XRCC1: variants seen among roughly 807,000 people sequenced by gnomAD.
The protein encoded by XRCC1 is DNA repair protein XRCC1.
A neutral mutation model predicts 83.3 loss-of-function variants in XRCC1; 52 were observed. That is an observed-to-expected ratio of 0.62 (90% CI 0.50 to 0.79). The LOEUF is 0.79. Among genes scored for constraint, XRCC1 ranks in the 30% least tolerant of loss-of-function variants. The pLI is 0.00. For synonymous variants in XRCC1, 281 were observed against 312.6 expected (o/e 0.90, Z 1.07); for missense variants, 793 against 823.5 (o/e 0.96, Z 0.45).
At chr19:43,548,212 C>T (rs1224203748) in intron 10 of XRCC1, among the ~76,000 whole-genome samples, 3 of 151,976 alleles carry the variant, frequency 2.0e-5, no homozygotes, top group East Asian at 3.9e-4. Flanking sequence ...CGCCTCTGCC[C>T]GGCCGCCCCT....
intron 1 of XRCC1, 134 bp from the exon 2 acceptor site, chr19:43,575,136 C>T: frequency 1.2e-6 from 1 of 810,404 alleles, no homozygotes; most frequent in East Asian, 2.7e-5. Flanking sequence ...AATCCCCCGA[C>T]ACTCTGCCTG....
rs2146040245 is a variant in XRCC1, at chr19:43,544,133, T to C, written c.1712+11A>G. Reference sequence around the variant, plus strand: ...ATCACCCCTTCCCCACCCCAGTCCCTGGAGACTCACCCATTGAAGGCTGTG... The same window carrying C: ...ATCACCCCTTCCCCACCCCAGTCCCCGGAGACTCACCCATTGAAGGCTGTG... On this transcript the variant is annotated intron_variant, in intron 15 of 16. Transcript: ENST00000262887. 1.3e-6 allele frequency: 2 copies of C among 1,592,194 alleles called. No homozygotes were observed. Among genetic ancestry groups the C allele is most frequent in the Non-Finnish European group, 1.7e-6 (2 of 1,167,798 alleles).
rs1025519674 is a variant in XRCC1, at chr19:43,560,449, G to A, written c.255+461C>T. On this transcript the variant is annotated intron_variant, in intron 3 of 16. Transcript: ENST00000262887. The stretch of plus-strand genomic sequence containing the variant: ...AAAGAAGGCAAGAGAGTCAGAGTTG[G>A]AGAAGTAACAATGGAAGTGGAAGCA... Among the ~76,000 whole-genome samples, 3 of 152,074 alleles carry A rather than the reference G, an allele frequency of 2.0e-5. No individual in the cohort carries two copies. The East Asian group carries it at 5.8e-4, about 29-fold the overall frequency.
chr19:43,546,112 A>G lies in XRCC1; in HGVS notation c.1427-6T>C, dbSNP rs762617017. On this transcript the variant is annotated splice_region_variant and splice_polypyrimidine_tract_variant and intron_variant, in intron 12 of 16. Transcript: ENST00000262887. Reference sequence around the variant, plus strand: ...CGCCCCATTGTCCTGTCCTTCTGCAAGTAGAAGCTCAGTCAATGCAAGGCT... The same window carrying G: ...CGCCCCATTGTCCTGTCCTTCTGCAGGTAGAAGCTCAGTCAATGCAAGGCT... The G allele has an allele frequency of 6.2e-7, 1 of 1,613,478 alleles. No homozygotes were observed. Among genetic ancestry groups the G allele is most frequent in the Admixed American group, 1.7e-5 (1 of 59,982 alleles).
intron 2 of XRCC1, among the ~76,000 whole-genome samples, chr19:43,564,260 G>A (rs1262962260): frequency 1.3e-4 from 20 of 152,092 alleles, no homozygotes; most frequent in Admixed American, 1.2e-3. Context: ...CAGAACAGGC[G>A]CCCAGCAACC....
At chr19:43,547,903 C>G (rs1479278267) in intron 10 of XRCC1, among the ~76,000 whole-genome samples, 1 of 152,180 alleles carries the variant, frequency 6.6e-6, no homozygotes, top group South Asian at 2.1e-4. Flanking sequence ...GGAAAATACC[C>G]ACCATTTAAG....
At chr19:43,551,122 C>A (rs554390806) in intron 10 of XRCC1, among the ~76,000 whole-genome samples, 106 of 152,200 alleles carry the variant, frequency 7.0e-4, no homozygotes, top group Non-Finnish European at 7.8e-4. Flanking sequence ...CGTGCGCCAC[C>A]AAGCCCAGCT....
intron 3 of XRCC1, among the ~76,000 whole-genome samples, chr19:43,559,404 C>G (rs60273962): frequency 0.027 from 3,801 of 141,998 alleles, 74 homozygotes; most frequent in African/African-American, 0.064. Context: ...GGCGTGAACC[C>G]GGGAGGTGGA....
At chr19:43,553,728 G>A in intron 4 of XRCC1, 45 bp from the exon 5 acceptor site, 1 of 1,468,836 alleles carries the variant, frequency 6.8e-7, no homozygotes, top group Non-Finnish European at 9.2e-7. Flanking sequence ...CCCAAGGACA[G>A]AGGCCAGGGC....
intron 2 of XRCC1, among the ~76,000 whole-genome samples, chr19:43,569,072 G>A (rs1276789252): frequency 6.6e-6 from 1 of 151,378 alleles, no homozygotes; most frequent in African/African-American, 2.4e-5. Flanking sequence ...GAGATCAACA[G>A]TTCAAGACCA....
intron 10 of XRCC1, 21 bp downstream of exon 10, chr19:43,551,550 G>T (rs772983882): frequency 6.3e-7 from 1 of 1,592,276 alleles, no homozygotes; most frequent in Non-Finnish European, 8.6e-7. Context: ...TAAGGAGCAG[G>T]GTTGGCGTGT....
At chr19:43,557,734 G>A (rs943725611) in intron 3 of XRCC1, among the ~76,000 whole-genome samples, 7 of 139,308 alleles carry the variant, frequency 5.0e-5, no homozygotes, top group Non-Finnish European at 9.1e-5. Flanking sequence ...GGAGGTTGCA[G>A]TGAACCGAGA....
At chr19:43,557,486 CA>C (rs964134225) in intron 3 of XRCC1, among the ~76,000 whole-genome samples, 9 of 152,088 alleles carry the variant, frequency 5.9e-5, no homozygotes, top group African/African-American at 1.9e-4. Flanking sequence ...GCTGATTATG[CA>C]AAGGAAACAA....
chr19:43,554,681 G>C lies in XRCC1; in HGVS notation c.379C>G (p.Arg127Gly), dbSNP rs199854803. 6.2e-7 allele frequency: 1 copy of C among 1,613,362 alleles called. No homozygotes were observed. Among genetic ancestry groups the C allele is most frequent in the Non-Finnish European group, 8.5e-7 (1 of 1,179,524 alleles). ...GGCTGGCTGCAAACAATTTTGACCC[G>C]GTCCCAGCGCTTCTCGGCGGCTGCC... ...VRAAAEKRWD[R>G]VKIVCSQPYS... Residue 127 changes from arginine to glycine, a missense_variant, in exon 4 of 17, where the codon CGG becomes GGG. Arg to Gly is a moderately radical substitution (Grantham distance 125, BLOSUM62 -2). Transcript: ENST00000262887.
At chr19:43,574,766 G>A in intron 2 of XRCC1, 144 bp downstream of exon 2, 1 of 665,850 alleles carries the variant, frequency 1.5e-6, no homozygotes, top group Non-Finnish European at 2.7e-6. Flanking sequence ...AGGGGCACAG[G>A]GATTATGCTG....
intron 2 of XRCC1, among the ~76,000 whole-genome samples, chr19:43,565,842 G>T: frequency 6.6e-6 from 1 of 152,104 alleles, no homozygotes; most frequent in East Asian, 1.9e-4. Flanking sequence ...AGGAGGCTAA[G>T]GCACAAGAAT....
chr19:43,551,426 C>T, intron 10 of XRCC1, 145 bp downstream of exon 10: 1 of 694,420 alleles, frequency 1.4e-6, no homozygotes, highest in East Asian at 2.7e-5. Flanking sequence ...TACCCCAGCC[C>T]CTGCCCCGCT....
intron 2 of XRCC1, among the ~76,000 whole-genome samples, chr19:43,566,531 CAAA>C (rs34680972): frequency 7.5e-5 from 5 of 66,524 alleles, no homozygotes; most frequent in African/African-American, 6.0e-5. Flanking sequence ...GACTCTGTCT[CAAA>C]AAAAAAAAAA....
intron 10 of XRCC1, among the ~76,000 whole-genome samples, chr19:43,548,213 G>A (rs62115754): frequency 0.22 from 33,968 of 151,412 alleles, 4,439 homozygotes; most frequent in East Asian, 0.51. Flanking sequence ...GCCTCTGCCC[G>A]GCCGCCCCTT....
Sources: allele counts gnomAD v4.1 joint callset (sites outside exome capture counted in the v4.1 genomes callset), GRCh38; gene constraint gnomAD v4.1.1; transcripts MANE v1.5; gene names NCBI Gene and HGNC (gene_info 2026-07-23, HGNC 2026-07-21).